TMEM39A: variants seen among roughly 807,000 people sequenced by gnomAD.
The protein encoded by TMEM39A is suppressor of SQST-1 aggregates in rpl-43 mutants.
Under a neutral mutation model 51.9 loss-of-function variants are expected in TMEM39A, and 19 were observed. That is an observed-to-expected ratio of 0.37 (90% CI 0.26 to 0.54). The LOEUF is 0.54. TMEM39A is among the 20% of genes least tolerant of loss of function. TMEM39A has a pLI of 0.88. For synonymous variants in TMEM39A, 197 were observed against 220.2 expected (o/e 0.89, Z 0.93); for missense variants, 433 against 590.5 (o/e 0.73, Z 2.76).
chr3:119,462,233 C>G (rs1253871349), intron 1 of TMEM39A, 85 bp from the exon 2 acceptor site: 1 of 583,548 alleles, frequency 1.7e-6, no homozygotes, highest in Non-Finnish European at 3.1e-6. Flanking sequence ...AGTAAGCAGG[C>G]CTTACAAAAT....
chr3:119,450,736 C>T lies in TMEM39A; in HGVS notation c.420+1711G>A, dbSNP rs113143829. 3.5e-3 allele frequency among the ~76,000 whole-genome samples: 517 copies of T among 149,066 alleles called. 2 individuals carry two copies. Among genetic ancestry groups the T allele is most frequent in the African/African-American group, 0.012 (483 of 40,708 alleles). On this transcript the variant is annotated intron_variant, in intron 4 of 8. Coordinates refer to ENST00000319172, the MANE Select transcript of TMEM39A (RefSeq NM_018266.3). ...ACTCAGGAGGCTGAGGCAGGAGAAT[C>T]GCTCGAACCTGGGAAGCAGAGGTTG...
At chr3:119,441,774 C>T (rs531027010) in intron 5 of TMEM39A, among the ~76,000 whole-genome samples, 1 of 152,318 alleles carries the variant, frequency 6.6e-6, no homozygotes, top group East Asian at 1.9e-4. Flanking sequence ...GACTTCCATA[C>T]CTAGAGAGGA....
At chr3:119,443,411 ATT>A (rs1366868013) in intron 5 of TMEM39A, among the ~76,000 whole-genome samples, 2 of 152,164 alleles carry the variant, frequency 1.3e-5, no homozygotes, top group Non-Finnish European at 2.9e-5. Context: ...CTGTTGTCTT[ATT>A]TTAAGAAAGT....
At chr3:119,451,384 T>A in intron 4 of TMEM39A, 1 of 925,198 alleles carries the variant, frequency 1.1e-6, no homozygotes, top group Non-Finnish European at 1.5e-6. Context: ...AACTATTCAT[T>A]TAAAATTTCA....
At position 119,431,564 on chromosome 3, in the gene TMEM39A, AATG is replaced by A. The variant is rs1463799594; in HGVS notation, c.*414_*416del. On this transcript the variant is annotated 3_prime_UTR_variant, in exon 9 of 9. Transcript: ENST00000319172. Reference sequence around the variant, plus strand: ...CTATTAGCCAGCTGAACTAAAAGAGAATGGGTGCTGGTAGGCAACTCCATTGAT... The same window carrying A: ...CTATTAGCCAGCTGAACTAAAAGAGAGGTGCTGGTAGGCAACTCCATTGAT... 2.6e-5 allele frequency: 4 copies of A among 153,666 alleles called. No individual in the cohort carries two copies. Among genetic ancestry groups the A allele is most frequent in the African/African-American group, 9.7e-5 (4 of 41,412 alleles). 9.5% of individuals were successfully genotyped at this position (153,666 alleles called of 1,614,324 possible).
intron 5 of TMEM39A, among the ~76,000 whole-genome samples, chr3:119,440,013 C>A (rs1208966486): frequency 6.6e-6 from 1 of 152,194 alleles, no homozygotes; most frequent in African/African-American, 2.4e-5. Flanking sequence ...AGTGATCCTA[C>A]CGCCTGGGCC....
At chr3:119,456,505 A>G (rs1313491318) in intron 3 of TMEM39A, among the ~76,000 whole-genome samples, 1 of 152,194 alleles carries the variant, frequency 6.6e-6, no homozygotes, top group Non-Finnish European at 1.5e-5. Context: ...TTTCCTTTCT[A>G]TGTTCACCAT....
intron 3 of TMEM39A, among the ~76,000 whole-genome samples, chr3:119,455,777 G>A (rs1224288984): frequency 2.0e-5 from 3 of 152,184 alleles, no homozygotes; most frequent in African/African-American, 2.4e-5. Flanking sequence ...AGAACTCTTC[G>A]ATGAGACTGA....
intron 1 of TMEM39A, 132 bp from the exon 2 acceptor site, chr3:119,462,280 T>TA (rs1406430110): frequency 5.8e-6 from 3 of 516,956 alleles, no homozygotes; most frequent in African/African-American, 3.8e-5. Flanking sequence ...GTCTACTACT[T>TA]ACGTTATTCG....
At chr3:119,455,530 C>T (rs1433015640) in intron 3 of TMEM39A, among the ~76,000 whole-genome samples, 1 of 152,190 alleles carries the variant, frequency 6.6e-6, no homozygotes, top group Non-Finnish European at 1.5e-5. Flanking sequence ...GATTTAGGTT[C>T]TGTCAACCAC....
Position 119,438,877 on chromosome 3 carries a change from T to A in TMEM39A, c.576-774A>T, listed in dbSNP as rs139897191. Among the ~76,000 whole-genome samples the A allele has an allele frequency of 4.0e-3, 604 of 152,310 alleles. 25 individuals carry two copies. Among genetic ancestry groups the A allele is most frequent in the Admixed American group, 0.035 (530 of 15,290 alleles). ...TCTCCACAGATCTTACCATGTTTAT[T>A]CGATTTTTAACTTTGGGGGTAGTTT... is the stretch of plus-strand genomic sequence containing the variant. On this transcript the variant is annotated intron_variant, in intron 5 of 8. Coordinates refer to ENST00000319172, the MANE Select transcript of TMEM39A (RefSeq NM_018266.3).
chr3:119,434,697 A>G (rs745803726), intron 8 of TMEM39A, 65 bp downstream of exon 8: 57 of 1,590,040 alleles, frequency 3.6e-5, no homozygotes, highest in Non-Finnish European at 4.8e-5. Context: ...ACATGCTTCC[A>G]CATAGAGTGG....
intron 5 of TMEM39A, among the ~76,000 whole-genome samples, chr3:119,446,300 T>C (rs1013747782): frequency 1.3e-5 from 2 of 152,106 alleles, no homozygotes; most frequent in African/African-American, 4.8e-5. Context: ...CCATATTAAG[T>C]AAAATAAAGG....
chr3:119,437,033 G>C, intron 6 of TMEM39A, 55 bp from the exon 7 acceptor site: 1 of 1,537,640 alleles, frequency 6.5e-7, no homozygotes, highest in Non-Finnish European at 8.9e-7. Flanking sequence ...AAAGAGGCAG[G>C]GATGGGTTGG....
Position 119,429,443 on chromosome 3 carries a change from A to G in TMEM39A, c.*2538T>C, listed in dbSNP as rs967483469. On this transcript the variant is annotated 3_prime_UTR_variant, in exon 9 of 9. Transcript: ENST00000319172. ...CTTTTCCAGTATCCCAGTTCACCCA[A>G]CTGAACTTTTGCTATACCATGCTTT... 6 of 152,054 alleles carry G rather than the reference A, an allele frequency of 3.9e-5. No individual in the cohort carries two copies. The highest frequency in any genetic ancestry group is 9.7e-5 in the African/African-American group (4 of 41,392). 9.4% of individuals were successfully genotyped at this position (152,054 alleles called of 1,614,324 possible).
At chr3:119,459,851 A>C (rs2081315712) in intron 2 of TMEM39A, among the ~76,000 whole-genome samples, 1 of 152,070 alleles carries the variant, frequency 6.6e-6, no homozygotes, top group Admixed American at 6.5e-5. Flanking sequence ...GCAATTATCT[A>C]TTTCCCTCCA....
At position 119,429,647 on chromosome 3, in the gene TMEM39A, A is replaced by G. The variant is rs910718600; in HGVS notation, c.*2334T>C. On this transcript the variant is annotated 3_prime_UTR_variant, in exon 9 of 9. Transcript: ENST00000319172. ...CCATGAACGTGGCCCCTACAAAAAC[A>G]AAACAACAAAACAAACAAACAAAAA... 2 of 152,166 alleles carry G rather than the reference A, an allele frequency of 1.3e-5. No individual in the cohort carries two copies. The highest frequency in any genetic ancestry group is 2.9e-5 in the Non-Finnish European group (2 of 68,022). 9.4% of individuals were successfully genotyped at this position (152,166 alleles called of 1,614,324 possible). A position where few individuals can be genotyped will look rare whatever the true frequency, so the allele number is the denominator to read the frequency against.
In TMEM39A at chr3:119,437,800, G is replaced by C; in HGVS notation, c.879C>G (p.Leu293=). ...HRIKEVLFNS[L]FSAYYVAFLP... ...GAAATGCAACATAGTAGGCACTGAA[G>C]AGGGAGTTGAAGAGAACCTCCTTGA... The change falls in exon 6 of 9, where the codon CTC becomes CTG. Residue 293 remains leucine, a synonymous_variant. Transcript: ENST00000319172. 1 of 1,591,738 alleles carries C rather than the reference G, an allele frequency of 6.3e-7. No individual in the cohort carries two copies. The highest frequency in any genetic ancestry group is 8.6e-7 in the Non-Finnish European group (1 of 1,163,422).
At chr3:119,450,369 A>T (rs898605434) in intron 4 of TMEM39A, among the ~76,000 whole-genome samples, 1 of 152,254 alleles carries the variant, frequency 6.6e-6, no homozygotes, top group Admixed American at 6.5e-5. Context: ...GTCAATACAT[A>T]AACACATTTT....
Sources: allele counts gnomAD v4.1 joint callset (sites outside exome capture counted in the v4.1 genomes callset), GRCh38; gene constraint gnomAD v4.1.1; transcripts MANE v1.5; gene names NCBI Gene and HGNC (gene_info 2026-07-23, HGNC 2026-07-21).